FAM184B: variants seen among roughly 807,000 people sequenced by gnomAD.
FAM184B encodes the protein protein FAM184B.
Under a neutral mutation model 135.9 loss-of-function variants are expected in FAM184B, and 111 were observed. The ratio of observed to expected loss-of-function variants is 0.82; its 90% CI spans 0.70 to 0.96. The LOEUF is 0.96. FAM184B is among the 40% of genes least tolerant of loss of function. The pLI, the probability that FAM184B is intolerant of heterozygous loss-of-function variation, is 0.00. For missense variants in FAM184B, 1,375 were observed against 1,323.9 expected, an observed-to-expected ratio of 1.04 and a Z score of -0.60; for synonymous variants, 552 against 524.8, an observed-to-expected ratio of 1.05 and a Z score of -0.71.
intron 1 of FAM184B, among the ~76,000 whole-genome samples, chr4:17,737,282 GAGAGTTTA>G (rs1486500143): frequency 6.6e-6 from 1 of 152,118 alleles, no homozygotes; most frequent in African/African-American, 2.4e-5. Flanking sequence ...ATAAAGCTCA[GAGAGTTTA>G]AGAGATCTGG....
chr4:17,776,475 G>A lies in FAM184B; in HGVS notation c.141+4684C>T, dbSNP rs560312298. Among the ~76,000 whole-genome samples, 89 of 152,258 alleles carry A rather than the reference G, an allele frequency of 5.8e-4. No individual in the cohort carries two copies. The South Asian group carries it at 0.017, about 29-fold the overall frequency. ...ACGATCTCAGCCAACTGCAACCTCCGCCTCTCGGGTTCAAGCGATTCTCCT... is the reference window on the plus strand; with the variant it reads ...ACGATCTCAGCCAACTGCAACCTCCACCTCTCGGGTTCAAGCGATTCTCCT... On this transcript the variant is annotated intron_variant, in intron 1 of 17. Coordinates refer to ENST00000265018, the MANE Select transcript of FAM184B (RefSeq NM_015688.2).
chr4:17,732,477 A>G (rs1281390518), intron 1 of FAM184B, among the ~76,000 whole-genome samples: 4 of 152,178 alleles, frequency 2.6e-5, no homozygotes, highest in Admixed American at 6.5e-5. Flanking sequence ...AGAATCAAAT[A>G]GATGCAATAA....
intron 17 of FAM184B, 153 bp downstream of exon 17, chr4:17,633,536 A>C: frequency 1.5e-6 from 1 of 663,428 alleles, no homozygotes; most frequent in Non-Finnish European, 2.4e-6. Flanking sequence ...ACCCATGCTG[A>C]AGTTTTCAGG....
intron 5 of FAM184B, among the ~76,000 whole-genome samples, chr4:17,694,142 C>A (rs771274453): frequency 6.6e-6 from 1 of 152,220 alleles, no homozygotes; most frequent in Non-Finnish European, 1.5e-5. Context: ...CATTTCCTAA[C>A]CTCTCAGTGA....
intron 1 of FAM184B, among the ~76,000 whole-genome samples, chr4:17,754,884 T>A (rs900658151): frequency 6.6e-6 from 1 of 152,114 alleles, no homozygotes; most frequent in Non-Finnish European, 1.5e-5. Context: ...TAAAACTTTT[T>A]TTTTTTTGAG....
At chr4:17,739,404 A>T (rs1717975043) in intron 1 of FAM184B, among the ~76,000 whole-genome samples, 1 of 151,984 alleles carries the variant, frequency 6.6e-6, no homozygotes. Flanking sequence ...CCTACACAAC[A>T]TCTCCACAGG....
intron 1 of FAM184B, among the ~76,000 whole-genome samples, chr4:17,769,261 T>A (rs77602242): frequency 2.2e-4 from 33 of 152,198 alleles, no homozygotes; most frequent in African/African-American, 7.7e-4. Flanking sequence ...TAACTATTTT[T>A]AAAAATATGT....
chr4:17,763,918 C>A (rs968453331), intron 1 of FAM184B, among the ~76,000 whole-genome samples: 145 of 152,070 alleles, frequency 9.5e-4, no homozygotes, highest in African/African-American at 3.5e-3. Flanking sequence ...TTTTTTGGAT[C>A]TAGCTTGGCC....
chr4:17,695,179 G>A (rs1291931777), intron 5 of FAM184B, among the ~76,000 whole-genome samples: 1 of 121,856 alleles, frequency 8.2e-6, no homozygotes, highest in African/African-American at 3.0e-5. Context: ...TTTTTTCTGA[G>A]ACAGGGTCTC....
At chr4:17,699,561 T>C (rs1716938828) in intron 5 of FAM184B, among the ~76,000 whole-genome samples, 1 of 152,052 alleles carries the variant, frequency 6.6e-6, no homozygotes, top group Non-Finnish European at 1.5e-5. Context: ...ATCTTTAAAG[T>C]GTTGAAAGAA....
intron 15 of FAM184B, 61 bp downstream of exon 15, chr4:17,636,467 C>G (rs1293733321): frequency 1.5e-6 from 2 of 1,316,422 alleles, no homozygotes; most frequent in Admixed American, 2.0e-5. Context: ...GAACGCCCCT[C>G]CCGGGGGAGC....
intron 12 of FAM184B, among the ~76,000 whole-genome samples, chr4:17,644,272 G>C (rs946396192): frequency 1.3e-5 from 2 of 152,096 alleles, no homozygotes; most frequent in Non-Finnish European, 2.9e-5. Flanking sequence ...GCCTGGCAGA[G>C]ACACAACAAA....
At chr4:17,769,087 G>A (rs574807949) in intron 1 of FAM184B, among the ~76,000 whole-genome samples, 10 of 152,280 alleles carry the variant, frequency 6.6e-5, no homozygotes, top group Non-Finnish European at 1.2e-4. Context: ...ACAGGCATGA[G>A]CCACCATGCC....
At chr4:17,708,462 T>A (rs1717164966) in intron 2 of FAM184B, among the ~76,000 whole-genome samples, 5 of 151,298 alleles carry the variant, frequency 3.3e-5, no homozygotes. Flanking sequence ...CTGGCCAACA[T>A]GGCGAGATCC....
intron 6 of FAM184B, 107 bp from the exon 7 acceptor site, chr4:17,688,638 A>T: frequency 1.7e-5 from 7 of 420,574 alleles, no homozygotes; most frequent in Non-Finnish European, 2.5e-5. Context: ...TTCTGGGGAG[A>T]GTGCCCCATT....
At chr4:17,737,030 A>G (rs1396742456) in intron 1 of FAM184B, among the ~76,000 whole-genome samples, 2 of 152,136 alleles carry the variant, frequency 1.3e-5, no homozygotes, top group Admixed American at 1.3e-4. Context: ...CTGTAATCCC[A>G]GCTACTCGGG....
intron 17 of FAM184B, 68 bp from the exon 18 acceptor site, chr4:17,632,693 A>G (rs1180836788): frequency 3.9e-6 from 4 of 1,033,486 alleles, no homozygotes; most frequent in Admixed American, 4.7e-5. Context: ...AATACCCACC[A>G]TCTTTTCAGG....
At chr4:17,656,943 G>A (rs1445383815) in intron 10 of FAM184B, among the ~76,000 whole-genome samples, 2 of 152,106 alleles carry the variant, frequency 1.3e-5, no homozygotes, top group African/African-American at 4.8e-5. Flanking sequence ...ACTATGAATT[G>A]TCTTCCTACT....
intron 1 of FAM184B, among the ~76,000 whole-genome samples, chr4:17,766,706 C>A (rs924346787): frequency 6.6e-6 from 1 of 152,254 alleles, no homozygotes; most frequent in African/African-American, 2.4e-5. Context: ...CATAAAGATT[C>A]TCCAAGTCCC....
Sources: gnomAD v4.1 joint callset for allele counts (sites outside exome capture counted in the v4.1 genomes callset) on GRCh38, gnomAD v4.1.1 for gene constraint, MANE v1.5 for transcripts, NCBI Gene and HGNC (gene_info 2026-07-23, HGNC 2026-07-21) for gene names.